Variants in FERRY3 observed in about 807,000 individuals in gnomAD.
FERRY3 encodes the protein protein C12orf4.
the FERRY3 span, chr12:4,490,416 G>C: frequency 2.5e-6 from 2 of 800,736 alleles, no homozygotes; most frequent in African/African-American, 1.8e-5. Context: ...AAAGCGATTA[G>C]CCTTTTGTGT....
chr12:4,514,543 C>T, the FERRY3 span, among the ~76,000 whole-genome samples: 2 of 151,998 alleles, frequency 1.3e-5, no homozygotes, highest in African/African-American at 4.8e-5. Flanking sequence ...GGCACATATA[C>T]ACCATGGAAT....
chr12:4,527,489 A>T, the FERRY3 span, among the ~76,000 whole-genome samples: 1 of 152,170 alleles, frequency 6.6e-6, no homozygotes, highest in African/African-American at 2.4e-5. Flanking sequence ...AAGAAAAAAA[A>T]TCATTATAAC....
At chr12:4,516,595 C>A in the FERRY3 span, among the ~76,000 whole-genome samples, 1 of 152,182 alleles carries the variant, frequency 6.6e-6, no homozygotes, top group South Asian at 2.1e-4. Flanking sequence ...TTATCCTCAG[C>A]AAACTAATGC....
the FERRY3 span, among the ~76,000 whole-genome samples, chr12:4,501,046 A>G: frequency 6.6e-6 from 1 of 152,188 alleles, no homozygotes; most frequent in Non-Finnish European, 1.5e-5. Flanking sequence ...CAATCTGTCC[A>G]GTTAGTTGCC....
At chr12:4,490,656 G>A in the FERRY3 span, 1 of 1,264,176 alleles carries the variant, frequency 7.9e-7, no homozygotes, top group Non-Finnish European at 1.1e-6. Context: ...GTCACTTACT[G>A]AAATTAACTG....
At chr12:4,505,256 C>T in the FERRY3 span, 1 of 1,201,212 alleles carries the variant, frequency 8.3e-7, no homozygotes, top group Non-Finnish European at 1.2e-6. Context: ...CATTATAAAA[C>T]ATCTTTTGGT....
At chr12:4,509,994 T>G in the FERRY3 span, among the ~76,000 whole-genome samples, 1 of 137,056 alleles carries the variant, frequency 7.3e-6, no homozygotes, top group Admixed American at 6.9e-5. Context: ...TTGAAAACTT[T>G]GAAAAAAATT....
chr12:4,526,354 C>A, the FERRY3 span, among the ~76,000 whole-genome samples: 1 of 151,972 alleles, frequency 6.6e-6, no homozygotes, highest in African/African-American at 2.4e-5. Flanking sequence ...CAGTTTGTTG[C>A]CTTTTCTGTG....
At chr12:4,503,071 T>G in the FERRY3 span, among the ~76,000 whole-genome samples, 1 of 152,188 alleles carries the variant, frequency 6.6e-6, no homozygotes, top group Non-Finnish European at 1.5e-5. Context: ...ATGATGGAAG[T>G]CATAGCTTGA....
chr12:4,518,880 A>G, the FERRY3 span: 1 of 1,542,768 alleles, frequency 6.5e-7, no homozygotes, highest in Non-Finnish European at 8.8e-7. Context: ...TAATTTCCTC[A>G]CTAAAAGTAA....
At chr12:4,525,328 G>T in the FERRY3 span, 1 of 1,613,306 alleles carries the variant, frequency 6.2e-7, no homozygotes, top group Non-Finnish European at 8.5e-7. Flanking sequence ...CTTGTTTTTG[G>T]ATGGCAGTTG....
the FERRY3 span, among the ~76,000 whole-genome samples, chr12:4,530,764 A>G: frequency 6.6e-6 from 1 of 152,194 alleles, no homozygotes; most frequent in Non-Finnish European, 1.5e-5. Context: ...AAGCAGAAAC[A>G]GGGAGAAACA....
At chr12:4,526,570 G>A in the FERRY3 span, among the ~76,000 whole-genome samples, 77 of 152,208 alleles carry the variant, frequency 5.1e-4, no homozygotes, top group African/African-American at 1.8e-3. Flanking sequence ...GGCCAGGCGC[G>A]ATGGCTCATG....
At chr12:4,520,012 C>T in the FERRY3 span, among the ~76,000 whole-genome samples, 16 of 152,294 alleles carry the variant, frequency 1.1e-4, no homozygotes, top group East Asian at 1.9e-3. Flanking sequence ...AATTCCAAAC[C>T]GTGACATATA....
chr12:4,534,771 G>T, the FERRY3 span, among the ~76,000 whole-genome samples: 1 of 152,132 alleles, frequency 6.6e-6, no homozygotes, highest in East Asian at 1.9e-4. Flanking sequence ...CAGCTTAGGG[G>T]ATCATTTAAC....
the FERRY3 span, among the ~76,000 whole-genome samples, chr12:4,492,659 A>G: frequency 6.6e-6 from 1 of 151,676 alleles, no homozygotes; most frequent in Non-Finnish European, 1.5e-5. Flanking sequence ...CCAGTTCTTC[A>G]CCTATCTCTG....
At chr12:4,491,547 T>A in the FERRY3 span, among the ~76,000 whole-genome samples, 1 of 152,204 alleles carries the variant, frequency 6.6e-6, no homozygotes, top group Non-Finnish European at 1.5e-5. Flanking sequence ...ACTCTCAATG[T>A]TAGCATGAAT....
At chr12:4,521,351 G>C in the FERRY3 span, among the ~76,000 whole-genome samples, 12 of 152,230 alleles carry the variant, frequency 7.9e-5, no homozygotes, top group Admixed American at 1.3e-4. Flanking sequence ...CTGGGAGACA[G>C]AGAAAGACTC....
chr12:4,528,392 G>C, the FERRY3 span, among the ~76,000 whole-genome samples: 1 of 151,922 alleles, frequency 6.6e-6, no homozygotes, highest in East Asian at 1.9e-4. Context: ...AATTTTATGG[G>C]CTACATAATA....
Sources: allele counts gnomAD v4.1 joint callset (sites outside exome capture counted in the v4.1 genomes callset), GRCh38; gene constraint gnomAD v4.1.1; transcripts MANE v1.5; gene names NCBI Gene and HGNC (gene_info 2026-07-23, HGNC 2026-07-21).